Variants in GPRIN1 observed in about 807,000 individuals in gnomAD.
The protein encoded by GPRIN1 is G protein-regulated inducer of neurite outgrowth 1.
GPRIN1 carries 4 observed loss-of-function variants against 2.8 expected under a neutral mutation model. The ratio of observed to expected loss-of-function variants is 1.45; its 90% CI spans 0.71 to 3.32. The LOEUF (loss-of-function observed/expected upper bound fraction) is 3.32, where lower values mean the gene tolerates loss of function less well. Among genes scored for constraint, GPRIN1 ranks in the 30% most tolerant of loss-of-function variants. The pLI, the probability that GPRIN1 is intolerant of heterozygous loss-of-function variation, is 0.01. For synonymous variants in GPRIN1, 589 were observed against 589.9 expected, an observed-to-expected ratio of 1.00 and a Z score of 0.02; for missense variants, 1,322 against 1,343.4, an observed-to-expected ratio of 0.98 and a Z score of 0.25.
At position 176,596,849 on chromosome 5, in the gene GPRIN1, G is replaced by A. The variant is rs759159223; in HGVS notation, c.2986C>T (p.Arg996Trp). ...CCCGCCCGCGAGCAGCACCGCGGCC[G>A]GCGCACACTCTGCAGCAGCGCGCGG... The part of the protein sequence containing the change: ...LFRALLQSVR[R>W]PRCCSRAGPT... Residue 996 changes from arginine to tryptophan, a missense_variant, in exon 2 of 2, where the codon CGG (arginine) becomes TGG (tryptophan). Transcript: ENST00000303991. This position sits in a 1 kb window ranked among gnomAD's most constrained non-coding sequence, Gnocchi z 5.2. 2.1e-6 allele frequency: 3 copies of A among 1,407,266 alleles called. No individual in the cohort carries two copies. The highest frequency in any genetic ancestry group is 2.8e-6 in the Non-Finnish European group (3 of 1,077,082). The allele number at this position is 1,407,266 out of a possible 1,614,324, so 87.2% of individuals were successfully genotyped here.
At chr5:176,608,569 T>G (rs753363700) in intron 1 of GPRIN1, among the ~76,000 whole-genome samples, 2 of 152,228 alleles carry the variant, frequency 1.3e-5, no homozygotes, top group African/African-American at 2.4e-5. Context: ...CAAGAAGAGC[T>G]TGTTGTGCGT....
Position 176,598,537 on chromosome 5 carries a change from T to C in GPRIN1, c.1298A>G (p.Glu433Gly). ...CTCTGCCTGTCCAGGAGACAAGAGC[T>C]CTGGCTTTCCTGAGCACATGGGGTC... ...KMDPMCSGKP[E>G]LLSPGQAERV... Residue 433 changes from glutamate (E) to glycine (G), a missense_variant, in exon 2 of 2, where the codon GAG becomes GGG. By Grantham distance (98) the Glu-to-Gly change is moderately conservative. Around this residue, in one of 3 missense-constraint regions of GPRIN1, gnomAD observed 1,117 missense variants for 1,128.6 expected, o/e 0.99. Transcript: ENST00000303991. 1 of 1,614,170 alleles carries C rather than the reference T, an allele frequency of 6.2e-7. No individual in the cohort carries two copies. The highest frequency in any genetic ancestry group is 2.2e-5 in the East Asian group (1 of 44,886).
chr5:176,608,671 A>C (rs1423094453), intron 1 of GPRIN1, among the ~76,000 whole-genome samples: 2 of 152,280 alleles, frequency 1.3e-5, no homozygotes, highest in South Asian at 4.1e-4. Context: ...AGGAGAGCTT[A>C]TCTGGGTGTT....
Position 176,602,665 on chromosome 5 carries a change from C to T in GPRIN1, c.-43-2788G>A, listed in dbSNP as rs921500466. ...CATAGCATTTGAGCCACCAAGCCCACCTCTAAGCATGGTCCTAAAGATAGA... is the reference window on the plus strand; with the variant it reads ...CATAGCATTTGAGCCACCAAGCCCATCTCTAAGCATGGTCCTAAAGATAGA... On this transcript the variant is annotated intron_variant, in intron 1 of 1. Coordinates refer to ENST00000303991, the MANE Select transcript of GPRIN1 (RefSeq NM_052899.3). The surrounding 1 kb of genome is among the most constrained non-coding windows in gnomAD (Gnocchi z 4.4). Among the ~76,000 whole-genome samples, 1 of 152,192 alleles carries T rather than the reference C, an allele frequency of 6.6e-6. No homozygotes were observed. The highest frequency in any genetic ancestry group is 1.5e-5 in the Non-Finnish European group (1 of 68,044).
Position 176,599,519 on chromosome 5 carries a change from A to G in GPRIN1, c.316T>C (p.Ser106Pro). ...CCATGTGCCTCCAATGTCTCCTTGG[A>G]GGGTGACTCCTGGGGAGAGAAGCAG... ...PTCFSPQESP[S>P]KETLEAHGAS... The change falls in exon 2 of 2, where the codon TCC becomes CCC. Residue 106 changes from serine (S) to proline (P), a missense_variant. Ser to Pro is a moderately conservative substitution (Grantham distance 74). Around this residue, in one of 3 missense-constraint regions of GPRIN1, gnomAD observed 1,117 missense variants for 1,128.6 expected, o/e 0.99. Transcript: ENST00000303991. The G allele has an allele frequency of 6.2e-7, 1 of 1,607,864 alleles. No homozygotes were observed. Among genetic ancestry groups the G allele is most frequent in the Non-Finnish European group, 8.5e-7 (1 of 1,176,488 alleles).
intron 1 of GPRIN1, among the ~76,000 whole-genome samples, chr5:176,608,578 G>A (rs921039333): frequency 7.9e-5 from 12 of 152,244 alleles, no homozygotes; most frequent in African/African-American, 2.9e-4. Flanking sequence ...CTTGTTGTGC[G>A]TATGTACACC....
chr5:176,598,283 T>C lies in GPRIN1; in HGVS notation c.1552A>G (p.Lys518Glu). The C allele has an allele frequency of 6.2e-7, 1 of 1,613,712 alleles. No homozygotes were observed. The highest frequency in any genetic ancestry group is 8.5e-7 in the Non-Finnish European group (1 of 1,179,900). ...AVKAEPATGGKGDPLSSEKAG... is the reference protein window; with the variant it reads ...AVKAEPATGGEGDPLSSEKAG... ...TTCTCCGAGGACAGGGGATCTCCTT[T>C]TCCCCCCGTCGCTGGCTCAGCCTTT... The change falls in exon 2 of 2, where the codon AAA becomes GAA. Residue 518 changes from lysine to glutamate, a missense_variant. By Grantham distance (56) the Lys-to-Glu change is moderately conservative. Coordinates refer to ENST00000303991, the MANE Select transcript of GPRIN1 (RefSeq NM_052899.3).
intron 1 of GPRIN1, among the ~76,000 whole-genome samples, chr5:176,605,571 G>T (rs1452006817): frequency 6.6e-6 from 1 of 152,122 alleles, no homozygotes; most frequent in African/African-American, 2.4e-5. Flanking sequence ...GGGAAGTCAA[G>T]GTGGGATGAC....
intron 1 of GPRIN1, among the ~76,000 whole-genome samples, chr5:176,607,413 G>A (rs562837191): frequency 8.5e-5 from 13 of 152,186 alleles, no homozygotes; most frequent in African/African-American, 2.2e-4. Flanking sequence ...GCATGATCTC[G>A]GCTCACTGCA....
rs1042406151 is a variant in GPRIN1 at position 176,602,409 on chromosome 5, G to A, written c.-43-2532C>T. Among the ~76,000 whole-genome samples the A allele has an allele frequency of 1.3e-5, 2 of 152,056 alleles. No homozygotes were observed. Among genetic ancestry groups the A allele is most frequent in the Non-Finnish European group, 2.9e-5 (2 of 68,022 alleles). ...CATTAAAATGCCAGCTCCAGGAGGT[G>A]GGGACTTTGCTGTGCTATCTGATAT... On this transcript the variant is annotated intron_variant, in intron 1 of 1. Transcript: ENST00000303991. This position sits in a 1 kb window ranked among gnomAD's most constrained non-coding sequence, Gnocchi z 4.4.
intron 1 of GPRIN1, among the ~76,000 whole-genome samples, chr5:176,604,832 C>A (rs1417421192): frequency 6.6e-6 from 1 of 152,092 alleles, no homozygotes; most frequent in Non-Finnish European, 1.5e-5. Context: ...CTCCCAGGTT[C>A]AAGTGATTCT....
intron 1 of GPRIN1, among the ~76,000 whole-genome samples, chr5:176,603,974 A>G (rs181431561): frequency 1.4e-3 from 211 of 152,286 alleles, no homozygotes; most frequent in Non-Finnish European, 4.3e-4. Flanking sequence ...TAAAGGGGCA[A>G]CGGCACTCAA....
Position 176,596,868 on chromosome 5 carries a change from C to G in GPRIN1, c.2967G>C (p.Ala989=), listed in dbSNP as rs1759043575. Residue 989 remains alanine (A), a synonymous_variant, in exon 2 of 2, where the codon GCG becomes GCC. Transcript: ENST00000303991. The surrounding 1 kb of genome is among the most constrained non-coding windows in gnomAD (Gnocchi z 5.2). ...AAKRPPGLFR[A]LLQSVRRPRC... is the part of the protein sequence containing the mutation. The stretch of plus-strand genomic sequence containing the variant: ...GCGGCCGGCGCACACTCTGCAGCAG[C>G]GCGCGGAACAGGCCGGGCGGACGCT... The G allele has an allele frequency of 3.6e-6, 5 of 1,371,590 alleles. No homozygotes were observed. The Admixed American group carries it at 1.3e-4, about 36-fold the overall frequency. The allele number at this position is 1,371,590 out of a possible 1,614,324, so 85.0% of individuals were successfully genotyped here.
rs1759155570 is a variant in GPRIN1, at chr5:176,602,055, C to T, written c.-43-2178G>A. Among the ~76,000 whole-genome samples the T allele has an allele frequency of 6.6e-6, 1 of 152,236 alleles. No individual in the cohort carries two copies. Among genetic ancestry groups the T allele is most frequent in the African/African-American group, 2.4e-5 (1 of 41,462 alleles). On this transcript the variant is annotated intron_variant, in intron 1 of 1. Transcript: ENST00000303991. The surrounding 1 kb of genome is among the most constrained non-coding windows in gnomAD (Gnocchi z 4.4). ...GCCCCTGCATCTTCAGGCCCCGTCA[C>T]CTCCTCTGCCCTTTCTGCTGCTGCT...
In GPRIN1 at chr5:176,598,436, T is replaced by C. The variant is rs760200365; in HGVS notation, c.1399A>G (p.Ile467Val). 1.5e-5 allele frequency: 25 copies of C among 1,614,096 alleles called. No homozygotes were observed. Among genetic ancestry groups the C allele is most frequent in the Non-Finnish European group, 2.0e-5 (24 of 1,179,994 alleles). ...DPVSSRREDP[I>V]SAGSRKTSSE... is the part of the protein sequence containing the mutation. ...GATGTCTTTCTACTTCCAGCAGATA[T>C]GGGGTCCTCCCTTCTGGAGGACACC... Residue 467 changes from isoleucine (I) to valine (V), a missense_variant, in exon 2 of 2, where the codon ATA becomes GTA. Coordinates refer to ENST00000303991, the MANE Select transcript of GPRIN1 (RefSeq NM_052899.3).
chr5:176,598,959 C>A lies in GPRIN1; in HGVS notation c.876G>T (p.Gly292=). 2 of 1,614,168 alleles carry A rather than the reference C, an allele frequency of 1.2e-6. No individual in the cohort carries two copies. Among genetic ancestry groups the A allele is most frequent in the South Asian group, 2.2e-5 (2 of 91,074 alleles). The change falls in exon 2 of 2, where the codon GGG becomes GGT. Residue 292 remains glycine, a synonymous_variant. Transcript: ENST00000303991. ...GCATGGGATCTGCCTTTCCCGAGGGCCCAGGATCTCTCTTTCCCGACAATA... is the reference window on the plus strand; with the variant it reads ...GCATGGGATCTGCCTTTCCCGAGGGACCAGGATCTCTCTTTCCCGACAATA... ...DLVLSGKRDP[G]PSGKADPMPL... is the part of the protein sequence containing the mutation.
In GPRIN1 at chr5:176,602,876, G is replaced by A. The variant is rs564509970; in HGVS notation, c.-43-2999C>T. ...TTGAAAAAGGCCAGGGGACAGCATC[G>A]CTACTGGGATCCCACGCGTGTAGCC... On this transcript the variant is annotated intron_variant, in intron 1 of 1. Coordinates refer to ENST00000303991, the MANE Select transcript of GPRIN1 (RefSeq NM_052899.3). This position sits in a 1 kb window ranked among gnomAD's most constrained non-coding sequence, Gnocchi z 4.4. Among the ~76,000 whole-genome samples the A allele has an allele frequency of 4.2e-4, 64 of 152,292 alleles. No individual in the cohort carries two copies. The highest frequency in any genetic ancestry group is 1.2e-3 in the African/African-American group (51 of 41,544).
chr5:176,607,590 C>T (rs1759239820), intron 1 of GPRIN1, among the ~76,000 whole-genome samples: 1 of 152,134 alleles, frequency 6.6e-6, no homozygotes, highest in Non-Finnish European at 1.5e-5. Flanking sequence ...GTGATCCACC[C>T]ACCTCGGCCT....
At position 176,597,477 on chromosome 5, in the gene GPRIN1, C is replaced by T. The variant is rs191378716; in HGVS notation, c.2358G>A (p.Pro786=). 7.2e-4 allele frequency: 964 copies of T among 1,337,170 alleles called. 4 individuals carry two copies. The Middle Eastern group carries it at 0.012, about 16-fold the overall frequency. 82.8% of individuals were successfully genotyped at this position (1,337,170 alleles called of 1,614,324 possible). ...TGAAGTTGTCGCGAGTCCGCGGCCCCGGCGGGGGCGCTGCGGCCTCTGGGC... is the reference window on the plus strand; with the variant it reads ...TGAAGTTGTCGCGAGTCCGCGGCCCTGGCGGGGGCGCTGCGGCCTCTGGGC... ...SPCPEAAAPP[P]GPRTRDNFTK... is the part of the protein sequence containing the mutation. Residue 786 remains proline, a synonymous_variant, in exon 2 of 2, where the codon CCG becomes CCA. Coordinates refer to ENST00000303991, the MANE Select transcript of GPRIN1 (RefSeq NM_052899.3). This position sits in a 1 kb window ranked among gnomAD's most constrained non-coding sequence, Gnocchi z 6.1.
Sources: allele counts gnomAD v4.1 joint callset (sites outside exome capture counted in the v4.1 genomes callset), GRCh38; gene constraint gnomAD v4.1.1; regional missense constraint gnomAD v4.1.1; non-coding constraint Gnocchi (gnomAD v3.1); transcripts MANE v1.5; gene names NCBI Gene and HGNC (gene_info 2026-07-23, HGNC 2026-07-21).